The following SPIRE2 variants were observed in gnomAD, a reference collection of about 807,000 sequenced individuals.
The protein encoded by SPIRE2 is spire type actin nucleation factor 2.
Under a neutral mutation model 80.7 loss-of-function variants are expected in SPIRE2, and 76 were observed. That is an observed-to-expected ratio of 0.94 (90% CI 0.78 to 1.14). SPIRE2 has a LOEUF of 1.14. SPIRE2 is among the 50% of genes most tolerant of loss of function. The probability of loss-of-function intolerance (pLI) is 0.00; values close to 1 mark genes in which losing one functional copy is unlikely to be tolerated. For missense variants in SPIRE2, 1,196 were observed against 1,015.3 expected (o/e 1.18, Z -2.42); for synonymous variants, 535 against 432.6 (o/e 1.24, Z -2.94).
chr16:89,835,949 C>T (rs1253420247), intron 1 of SPIRE2, among the ~76,000 whole-genome samples: 3 of 151,986 alleles, frequency 2.0e-5, no homozygotes, highest in South Asian at 4.2e-4. Context: ...CTGAGGCTGG[C>T]GGATCACATG....
intron 1 of SPIRE2, among the ~76,000 whole-genome samples, chr16:89,837,801 G>A (rs530729304): frequency 6.6e-6 from 1 of 152,310 alleles, no homozygotes; most frequent in African/African-American, 2.4e-5. Flanking sequence ...TATGGAACGA[G>A]TGGGTTGGTC....
At chr16:89,839,038 G>C (rs1382682572) in intron 1 of SPIRE2, among the ~76,000 whole-genome samples, 1 of 150,954 alleles carries the variant, frequency 6.6e-6, no homozygotes, top group African/African-American at 2.4e-5. Flanking sequence ...TCTGTGTTTC[G>C]AGTGTTAAAC....
intron 2 of SPIRE2, among the ~76,000 whole-genome samples, chr16:89,849,560 T>C (rs1567673249): frequency 6.6e-6 from 1 of 152,186 alleles, no homozygotes; most frequent in South Asian, 2.1e-4. Flanking sequence ...GTCCGTGTAA[T>C]TGTCCATCGA....
intron 1 of SPIRE2, among the ~76,000 whole-genome samples, chr16:89,832,131 G>A (rs1430049771): frequency 6.6e-6 from 1 of 152,268 alleles, no homozygotes; most frequent in East Asian, 1.9e-4. Flanking sequence ...CAAGAGAGGG[G>A]CTCTGGGCCC....
At chr16:89,842,978 G>A (rs1490694211) in intron 1 of SPIRE2, among the ~76,000 whole-genome samples, 1 of 152,220 alleles carries the variant, frequency 6.6e-6, no homozygotes, top group Non-Finnish European at 1.5e-5. Context: ...GGAGTTAGCA[G>A]GTCCACTGAG....
chr16:89,843,681 GTTTGTTTTTGT>G (rs2041526522), intron 1 of SPIRE2, among the ~76,000 whole-genome samples: 1 of 65,034 alleles, frequency 1.5e-5, no homozygotes, highest in South Asian at 7.7e-4. Context: ...TTTTTTTTTT[GTTTGTTTTTGT>G]TTTTTGTTTT....
At chr16:89,859,742 C>A (rs1333068521) in intron 9 of SPIRE2, among the ~76,000 whole-genome samples, 1 of 152,122 alleles carries the variant, frequency 6.6e-6, no homozygotes, top group South Asian at 2.1e-4. Context: ...GGAACCTGAG[C>A]CGTGATTCCT....
chr16:89,856,359 C>A, intron 7 of SPIRE2, 123 bp downstream of exon 7: 2 of 979,658 alleles, frequency 2.0e-6, no homozygotes, highest in Non-Finnish European at 1.4e-6. Flanking sequence ...CCATGGAAGA[C>A]ACAGAACATC....
At chr16:89,836,494 G>C (rs1426966476) in intron 1 of SPIRE2, 1 of 299,400 alleles carries the variant, frequency 3.3e-6, no homozygotes, top group Non-Finnish European at 6.8e-6. Context: ...TTTCAGGGAA[G>C]TTGTGGATGG....
At chr16:89,856,480 T>C (rs575679060) in intron 7 of SPIRE2, among the ~76,000 whole-genome samples, 9 of 152,180 alleles carry the variant, frequency 5.9e-5, no homozygotes, top group Non-Finnish European at 1.2e-4. Flanking sequence ...AGTCTTGCTC[T>C]GTCGCCCAGG....
At chr16:89,847,930 G>A (rs951509791) in intron 2 of SPIRE2, among the ~76,000 whole-genome samples, 1 of 152,192 alleles carries the variant, frequency 6.6e-6, no homozygotes, top group African/African-American at 2.4e-5. Context: ...GCCTAGAGGG[G>A]CTGGGTGCTG....
At chr16:89,866,896 A>G (rs2041794483) in intron 12 of SPIRE2, among the ~76,000 whole-genome samples, 2 of 152,248 alleles carry the variant, frequency 1.3e-5, no homozygotes, top group East Asian at 3.9e-4. Flanking sequence ...GGCTTGAGCC[A>G]CCGCGCCCAG....
At chr16:89,834,748 A>G (rs528572108) in intron 1 of SPIRE2, among the ~76,000 whole-genome samples, 15 of 94,884 alleles carry the variant, frequency 1.6e-4, no homozygotes, top group South Asian at 4.8e-4. Flanking sequence ...ACCTGCCCGC[A>G]CTCGCGGTTG....
intron 12 of SPIRE2, among the ~76,000 whole-genome samples, chr16:89,867,839 C>T (rs2041803382): frequency 6.6e-6 from 1 of 152,128 alleles, no homozygotes; most frequent in South Asian, 2.1e-4. Flanking sequence ...CTTGCCTTGG[C>T]CTCCCAAAGT....
chr16:89,828,652 G>A lies in SPIRE2; in HGVS notation c.102G>A (p.Pro34=). 1 of 1,368,126 alleles carries A rather than the reference G, an allele frequency of 7.3e-7. No homozygotes were observed. Among genetic ancestry groups the A allele is most frequent in the South Asian group, 1.6e-5 (1 of 62,914 alleles). 84.7% of individuals were successfully genotyped at this position (1,368,126 alleles called of 1,614,324 possible). The change falls in exon 1 of 15, where the codon CCG becomes CCA. Residue 34 remains proline, a synonymous_variant. Coordinates refer to ENST00000378247, the MANE Select transcript of SPIRE2 (RefSeq NM_032451.2). The surrounding 1 kb of genome is among the most constrained non-coding windows in gnomAD (Gnocchi z 5.9). The part of the protein sequence containing the change: ...LEEVLKAYEQ[P]LNEEQAWAVC... ...AGGTGCTGAAGGCCTACGAGCAGCC[G>A]CTCAACGAGGAGCAGGCGTGGGCCG...
intron 3 of SPIRE2, among the ~76,000 whole-genome samples, chr16:89,851,613 G>C (rs2041628689): frequency 2.0e-5 from 3 of 152,092 alleles, no homozygotes; most frequent in South Asian, 2.1e-4. Flanking sequence ...CGTGGACTCA[G>C]AGTTAGGAGC....
At chr16:89,834,185 A>G (rs1481071352) in intron 1 of SPIRE2, among the ~76,000 whole-genome samples, 10 of 134,772 alleles carry the variant, frequency 7.4e-5, no homozygotes, top group Admixed American at 5.3e-4. Context: ...AAGCCTGGAT[A>G]AGCATAGCCC....
In SPIRE2 at chr16:89,854,417, A is replaced by G. The variant is rs532175913; in HGVS notation, c.726+51A>G. ...GCCACTGACGCGGCCCAGCCTGCCAAGGGTCTCTGCCTGGGGGGCCGTGGA... is the reference window on the plus strand; with the variant it reads ...GCCACTGACGCGGCCCAGCCTGCCAGGGGTCTCTGCCTGGGGGGCCGTGGA... On this transcript the variant is annotated intron_variant, in intron 4 of 14. Coordinates refer to ENST00000378247, the MANE Select transcript of SPIRE2 (RefSeq NM_032451.2). The G allele has an allele frequency of 5.6e-6, 9 of 1,611,154 alleles. No homozygotes were observed. The African/African-American group carries it at 1.1e-4, about 19-fold the overall frequency.
At chr16:89,837,770 C>T (rs541607494) in intron 1 of SPIRE2, among the ~76,000 whole-genome samples, 3 of 152,292 alleles carry the variant, frequency 2.0e-5, no homozygotes, top group South Asian at 4.1e-4. Context: ...GAGGACGCCC[C>T]GTGCGGGGGG....
Sources: allele counts gnomAD v4.1 joint callset (sites outside exome capture counted in the v4.1 genomes callset), GRCh38; gene constraint gnomAD v4.1.1; non-coding constraint Gnocchi (gnomAD v3.1); transcripts MANE v1.5; gene names NCBI Gene and HGNC (gene_info 2026-07-23, HGNC 2026-07-21).